The following CHSY3 variants were observed in gnomAD, a reference collection of about 807,000 sequenced individuals.
CHSY3 encodes the protein chondroitin sulfate synthase 3.
In CHSY3, 35 loss-of-function variants were observed where a neutral mutation model predicts 67.2. The observed-to-expected ratio is 0.52, with a 90% CI of 0.40 to 0.69. The LOEUF (loss-of-function observed/expected upper bound fraction) is 0.69. Among genes scored for constraint, CHSY3 ranks in the 30% least tolerant of loss-of-function variants. The pLI is 0.00. For synonymous variants in CHSY3, 474 were observed against 434.7 expected (o/e 1.09, Z -1.12); for missense variants, 1,069 against 1,138.5 (o/e 0.94, Z 0.88).
chr5:129,904,843 C>G lies in CHSY3; in HGVS notation c.14C>G (p.Ser5Cys), dbSNP rs1208264958. Residue 5 changes from serine to cysteine, a missense_variant, in exon 1 of 3, where the codon TCT becomes TGT. By Grantham distance (112) the Ser-to-Cys change is moderately radical. Transcript: ENST00000305031. ...GGGACAGCCGCGATGGCTGTGCGCT[C>G]TCGCCGCCCGTGGATGAGCGTGGCA... The part of the protein sequence containing the change: MAVR[S>C]RRPWMSVALG... 6.9e-7 allele frequency: 1 copy of G among 1,447,728 alleles called. No homozygotes were observed. The highest frequency in any genetic ancestry group is 1.4e-5 in the South Asian group (1 of 72,936). The allele number at this position is 1,447,728 out of a possible 1,614,324, so 89.7% of individuals were successfully genotyped here.
At chr5:130,084,095 G>T (rs1397655454) in intron 2 of CHSY3, among the ~76,000 whole-genome samples, 1 of 151,786 alleles carries the variant, frequency 6.6e-6, no homozygotes, top group African/African-American at 2.4e-5. Context: ...TCGTCTGAGG[G>T]ATATTTCATT....
intron 2 of CHSY3, among the ~76,000 whole-genome samples, chr5:130,096,697 C>A (rs1405925572): frequency 1.3e-5 from 2 of 151,840 alleles, no homozygotes; most frequent in African/African-American, 2.4e-5. Flanking sequence ...TGTTGCCAAC[C>A]ATTTTTTTTA....
intron 2 of CHSY3, among the ~76,000 whole-genome samples, chr5:130,175,640 A>G (rs1770024654): frequency 6.6e-6 from 1 of 152,208 alleles, no homozygotes; most frequent in Non-Finnish European, 1.5e-5. Context: ...ACAGTATGGT[A>G]CTGGTACCAA....
intron 2 of CHSY3, among the ~76,000 whole-genome samples, chr5:130,162,573 C>T (rs1167398610): frequency 6.6e-6 from 1 of 152,012 alleles, no homozygotes; most frequent in African/African-American, 2.4e-5. Context: ...CTTGTTCTGT[C>T]ACCCAGGATG....
At chr5:130,135,051 G>A (rs570225584) in intron 2 of CHSY3, among the ~76,000 whole-genome samples, 4 of 151,668 alleles carry the variant, frequency 2.6e-5, no homozygotes, top group Admixed American at 2.0e-4. Flanking sequence ...CTATAGTGTC[G>A]ATATAGATAT....
chr5:130,130,610 C>T (rs906898055), intron 2 of CHSY3, among the ~76,000 whole-genome samples: 1 of 152,168 alleles, frequency 6.6e-6, no homozygotes, highest in African/African-American at 2.4e-5. Context: ...TGTTCACTGT[C>T]AGCATTACTT....
intron 2 of CHSY3, among the ~76,000 whole-genome samples, chr5:130,127,436 C>G (rs980204052): frequency 1.3e-5 from 2 of 151,642 alleles, no homozygotes; most frequent in Non-Finnish European, 2.9e-5. Flanking sequence ...AATGTAGATT[C>G]TGGGTTGCAT....
At chr5:130,164,903 G>C (rs1769694737) in intron 2 of CHSY3, among the ~76,000 whole-genome samples, 1 of 152,104 alleles carries the variant, frequency 6.6e-6, no homozygotes, top group Admixed American at 6.6e-5. Flanking sequence ...AGCTGAGTAA[G>C]AGTTAAATAG....
Position 130,143,551 on chromosome 5 carries a change from T to C in CHSY3, c.1087-40678T>C, listed in dbSNP as rs1012451669. Among the ~76,000 whole-genome samples, 4 of 151,724 alleles carry C rather than the reference T, an allele frequency of 2.6e-5. No homozygotes were observed. In the East Asian group the frequency reaches 7.8e-4, roughly 30 times the overall value. ...TCATTCTCATGATATATTCATTCATTCTACTGGTTGATATTTGGGCCATTT... is the reference window on the plus strand; with the variant it reads ...TCATTCTCATGATATATTCATTCATCCTACTGGTTGATATTTGGGCCATTT... On this transcript the variant is annotated intron_variant, in intron 2 of 2. Coordinates refer to ENST00000305031, the MANE Select transcript of CHSY3 (RefSeq NM_175856.5).
At chr5:129,934,205 A>G (rs1023653055) in intron 2 of CHSY3, among the ~76,000 whole-genome samples, 1 of 152,182 alleles carries the variant, frequency 6.6e-6, no homozygotes, top group South Asian at 2.1e-4. Flanking sequence ...AAAAATGCTT[A>G]TGACATAATA....
At chr5:130,151,449 T>C (rs1430038068) in intron 2 of CHSY3, among the ~76,000 whole-genome samples, 2 of 152,202 alleles carry the variant, frequency 1.3e-5, no homozygotes, top group African/African-American at 4.8e-5. Flanking sequence ...ACACATCCAT[T>C]CAGCAAATAG....
chr5:130,090,742 T>C (rs1766850195), intron 2 of CHSY3, among the ~76,000 whole-genome samples: 1 of 152,148 alleles, frequency 6.6e-6, no homozygotes, highest in African/African-American at 2.4e-5. Context: ...TGTTTCCCGT[T>C]AAGACTGTCT....
chr5:130,143,808 G>GTC (rs1480395759), intron 2 of CHSY3, among the ~76,000 whole-genome samples: 2 of 34,066 alleles, frequency 5.9e-5, no homozygotes, highest in African/African-American at 2.1e-4. Context: ...ATATATATGT[G>GTC]TGTATATATA....
intron 2 of CHSY3, among the ~76,000 whole-genome samples, chr5:129,963,080 T>G (rs1394854407): frequency 2.0e-5 from 3 of 151,706 alleles, no homozygotes; most frequent in Non-Finnish European, 2.9e-5. Flanking sequence ...TGACTATAAC[T>G]TGTAATCGGT....
chr5:130,041,192 A>C (rs1384350917), intron 2 of CHSY3, among the ~76,000 whole-genome samples: 1 of 152,086 alleles, frequency 6.6e-6, no homozygotes, highest in African/African-American at 2.4e-5. Context: ...CCAATGACTG[A>C]CTGATAATGG....
At chr5:130,046,250 A>T (rs1398542880) in intron 2 of CHSY3, among the ~76,000 whole-genome samples, 1 of 152,150 alleles carries the variant, frequency 6.6e-6, no homozygotes, top group Non-Finnish European at 1.5e-5. Flanking sequence ...ATACAAATGA[A>T]GGTGAACTAC....
chr5:130,125,963 A>G (rs948501133), intron 2 of CHSY3, among the ~76,000 whole-genome samples: 2 of 152,138 alleles, frequency 1.3e-5, no homozygotes, highest in Non-Finnish European at 2.9e-5. Flanking sequence ...CCAGCTCTCA[A>G]TTGAGTGTTT....
intron 2 of CHSY3, among the ~76,000 whole-genome samples, chr5:130,150,676 T>C (rs1769210595): frequency 6.6e-6 from 1 of 152,212 alleles, no homozygotes; most frequent in Admixed American, 6.5e-5. Context: ...ACTTTTATGT[T>C]AAGTGTGCTA....
rs913767804 is a variant in CHSY3 at position 130,164,682 on chromosome 5, T to G, written c.1087-19547T>G. Among the ~76,000 whole-genome samples, 55 of 152,290 alleles carry G rather than the reference T, an allele frequency of 3.6e-4. 1 individual carries two copies. Among genetic ancestry groups the G allele is most frequent in the Non-Finnish European group, 2.8e-4 (19 of 68,024 alleles). ...TCAGACAGCTCTGCCCTGCACCATT[T>G]ACAGGATGTCAGGCACTGGAGATAG... On this transcript the variant is annotated intron_variant, in intron 2 of 2. Coordinates refer to ENST00000305031, the MANE Select transcript of CHSY3 (RefSeq NM_175856.5).
Sources: gnomAD v4.1 joint callset for allele counts (sites outside exome capture counted in the v4.1 genomes callset) on GRCh38, gnomAD v4.1.1 for gene constraint, MANE v1.5 for transcripts, NCBI Gene and HGNC (gene_info 2026-07-23, HGNC 2026-07-21) for gene names.